TNR: variants seen among roughly 807,000 people sequenced by gnomAD.
TNR encodes the protein tenascin-R.
Under a neutral mutation model 150.4 loss-of-function variants are expected in TNR, and 45 were observed. The ratio of observed to expected loss-of-function variants is 0.30; its 90% CI spans 0.24 to 0.38. TNR has a LOEUF of 0.38. Among genes scored for constraint, TNR ranks in the 10% least tolerant of loss-of-function variants. The pLI, the probability that TNR is intolerant of heterozygous loss-of-function variation, is 1.00. For synonymous variants in TNR, 687 were observed against 678.4 expected (o/e 1.01, Z -0.20); for missense variants, 1,544 against 1,759.1 (o/e 0.88, Z 2.19).
chr1:175,335,980 C>T (rs1209497170), intron 19 of TNR, among the ~76,000 whole-genome samples, 173 bp from the exon 20 acceptor site: 1 of 152,192 alleles, frequency 6.6e-6, no homozygotes, highest in Non-Finnish European at 1.5e-5. Context: ...ATTTACACAG[C>T]AGTTTTTGTA....
rs974805199 is a variant in TNR at position 175,385,926 on chromosome 1, G to A, written c.1777+106C>T. On this transcript the variant is annotated intron_variant, in intron 8 of 22. Transcript: ENST00000367674. ...GTGTCTATGACAAGGCCAATGCTCT[G>A]ACACACCTTGCCTCATTCCTAATAC... 1.5e-5 allele frequency: 20 copies of A among 1,330,860 alleles called. No individual in the cohort carries two copies. In the Admixed American group the frequency reaches 4.5e-4, roughly 30 times the overall value. 82.4% of individuals were successfully genotyped at this position (1,330,860 alleles called of 1,614,324 possible).
At position 175,366,063 on chromosome 1, in the gene TNR, C is replaced by T. The variant is rs1027143993; in HGVS notation, c.2129G>A (p.Ser710Asn). ...TSISLIWTKASGPIDHYRITF... is the reference protein window; with the variant it reads ...TSISLIWTKANGPIDHYRITF... ...AATTCGGTAGTGGTCAATGGGGCCA[C>T]TGGCCTTGGTCCAGATGAGGGAGAT... Residue 710 changes from serine (S) to asparagine (N), a missense_variant, in exon 11 of 23, where the codon AGT becomes AAT. By Grantham distance (46) the Ser-to-Asn change is conservative. Transcript: ENST00000367674. The T allele has an allele frequency of 1.2e-5, 20 of 1,614,100 alleles. No individual in the cohort carries two copies. Among genetic ancestry groups the T allele is most frequent in the East Asian group, 2.2e-5 (1 of 44,874 alleles).
intron 1 of TNR, among the ~76,000 whole-genome samples, chr1:175,664,795 T>C (rs554490903): frequency 6.6e-6 from 1 of 152,322 alleles, no homozygotes; most frequent in African/African-American, 2.4e-5. Context: ...CAGCACAGAC[T>C]GACAAAAATC....
intron 2 of TNR, among the ~76,000 whole-genome samples, chr1:175,485,757 T>C (rs975698504): frequency 7.2e-5 from 11 of 152,302 alleles, no homozygotes; most frequent in African/African-American, 2.6e-4. Context: ...TGTTTATTTA[T>C]ATAGAATAAA....
chr1:175,584,338 G>A (rs184687215), intron 1 of TNR, among the ~76,000 whole-genome samples: 154 of 152,296 alleles, frequency 1.0e-3, no homozygotes, highest in African/African-American at 3.6e-3. Flanking sequence ...GCCAAGGAAT[G>A]ACAAGAATTG....
intron 2 of TNR, among the ~76,000 whole-genome samples, chr1:175,497,154 A>G (rs75956745): frequency 0.09 from 13,769 of 152,188 alleles, 781 homozygotes; most frequent in Non-Finnish European, 0.13. Context: ...CCTTCAGGGG[A>G]AAAAAATGGT....
chr1:175,427,431 G>T (rs1444448459), intron 2 of TNR, among the ~76,000 whole-genome samples: 1 of 151,954 alleles, frequency 6.6e-6, no homozygotes, highest in Non-Finnish European at 1.5e-5. Context: ...GATGTATGTT[G>T]CTTTTTTATA....
At chr1:175,587,357 G>A (rs148746677) in intron 1 of TNR, among the ~76,000 whole-genome samples, 25 of 152,296 alleles carry the variant, frequency 1.6e-4, no homozygotes, top group African/African-American at 2.2e-4. Flanking sequence ...CCAGCCACTC[G>A]CATAGCTGAG....
At chr1:175,514,929 G>C (rs1659339044) in intron 2 of TNR, among the ~76,000 whole-genome samples, 8 of 152,148 alleles carry the variant, frequency 5.3e-5, no homozygotes, top group Admixed American at 5.2e-4. Flanking sequence ...CTGCTGCAGG[G>C]AAACATCTCG....
At chr1:175,666,310 C>T (rs1221680829) in intron 1 of TNR, among the ~76,000 whole-genome samples, 1 of 152,160 alleles carries the variant, frequency 6.6e-6, no homozygotes, top group Non-Finnish European at 1.5e-5. Context: ...CTTTCCCTTC[C>T]TGCTTCTTGT....
intron 2 of TNR, among the ~76,000 whole-genome samples, chr1:175,472,147 A>G (rs911951226): frequency 1.3e-5 from 2 of 152,236 alleles, no homozygotes; most frequent in East Asian, 1.9e-4. Flanking sequence ...CTACAAAACA[A>G]GCAAACAAAG....
rs1649230361 is a variant in TNR at position 175,324,293 on chromosome 1, A to T, written c.3957+63T>A. ...ACTCACATGTGCTTTTAAAATATAAAGCTAAGGGAGCACGGATTCCACAGC... is the reference window on the plus strand; with the variant it reads ...ACTCACATGTGCTTTTAAAATATAATGCTAAGGGAGCACGGATTCCACAGC... On this transcript the variant is annotated intron_variant, in intron 22 of 22. Transcript: ENST00000367674. The T allele has an allele frequency of 2.6e-6, 4 of 1,532,354 alleles. No individual in the cohort carries two copies. The African/African-American group carries it at 4.1e-5, about 16-fold the overall frequency. 94.9% of individuals were successfully genotyped at this position (1,532,354 alleles called of 1,614,324 possible). A position where few individuals can be genotyped will look rare whatever the true frequency, so the allele number is the denominator to read the frequency against.
intron 1 of TNR, among the ~76,000 whole-genome samples, chr1:175,727,620 G>C (rs1292636206): frequency 6.6e-6 from 1 of 152,208 alleles, no homozygotes; most frequent in African/African-American, 2.4e-5. Context: ...AAAGCAGTAA[G>C]GGAGAAATTG....
rs1256520455 is a variant in TNR at position 175,330,529 on chromosome 1, C to A, written c.3632-294G>T. 12 of 265,310 alleles carry A rather than the reference C, an allele frequency of 4.5e-5. No homozygotes were observed. In the East Asian group the frequency reaches 8.2e-4, roughly 18 times the overall value. The allele number at this position is 265,310 out of a possible 1,614,324, so 16.4% of individuals were successfully genotyped here. A position where few individuals can be genotyped will look rare whatever the true frequency, so the allele number is the denominator to read the frequency against. On this transcript the variant is annotated intron_variant, in intron 20 of 22. Transcript: ENST00000367674. ...AAGCCCTGAGCCTCAGGATTCCTGG[C>A]CCTGTCCCCTCTCACCTCCTCTGCC...
At chr1:175,411,301 G>A (rs952038386) in intron 2 of TNR, among the ~76,000 whole-genome samples, 2 of 152,156 alleles carry the variant, frequency 1.3e-5, no homozygotes, top group African/African-American at 2.4e-5. Context: ...AGCATCAGAT[G>A]AGCGATTGGG....
intron 1 of TNR, among the ~76,000 whole-genome samples, chr1:175,740,427 A>AT (rs139523767): frequency 0.056 from 8,219 of 148,050 alleles, 315 homozygotes; most frequent in East Asian, 0.23. Context: ...ATTATATGTC[A>AT]TTTTTTTCAA....
chr1:175,738,704 A>G (rs1667841573), intron 1 of TNR, among the ~76,000 whole-genome samples: 2 of 152,250 alleles, frequency 1.3e-5, no homozygotes, highest in South Asian at 4.1e-4. Context: ...CAATTGGCAT[A>G]TTATCAGCTT....
At chr1:175,593,345 T>C (rs1175488243) in intron 1 of TNR, among the ~76,000 whole-genome samples, 1 of 152,102 alleles carries the variant, frequency 6.6e-6, no homozygotes, top group Non-Finnish European at 1.5e-5. Context: ...AAGCCTCACA[T>C]AGAGCCAGTT....
intron 1 of TNR, among the ~76,000 whole-genome samples, chr1:175,577,599 T>G (rs541925445): frequency 6.6e-6 from 1 of 152,156 alleles, no homozygotes; most frequent in African/African-American, 2.4e-5. Flanking sequence ...GGGTGCGGGT[T>G]TGGGAGCGAG....
Sources: gnomAD v4.1 joint callset for allele counts (sites outside exome capture counted in the v4.1 genomes callset) on GRCh38, gnomAD v4.1.1 for gene constraint, MANE v1.5 for transcripts, NCBI Gene and HGNC (gene_info 2026-07-23, HGNC 2026-07-21) for gene names.